The following PHF3 variants were observed in gnomAD, a reference collection of about 807,000 sequenced individuals.
PHF3 encodes PHD finger protein 3.
In PHF3, 41 loss-of-function variants were observed where a neutral mutation model predicts 178.4. The ratio of observed to expected loss-of-function variants is 0.23; its 90% confidence interval spans 0.18 to 0.30. The LOEUF is 0.30. PHF3 is among the 10% of genes least tolerant of loss of function. PHF3 has a pLI of 1.00. For synonymous variants in PHF3, 842 were observed against 800.5 expected (o/e 1.05, Z -0.88); for missense variants, 2,346 against 2,398.1 (o/e 0.98, Z 0.45).
intron 3 of PHF3, among the ~76,000 whole-genome samples, chr6:63,681,033 G>C (rs971425191): frequency 6.6e-6 from 1 of 152,020 alleles, no homozygotes; most frequent in African/African-American, 2.4e-5. Context: ...TTTAAACCTT[G>C]TATGTTTACC....
At chr6:63,690,061 C>T (rs1366344038) in intron 4 of PHF3, among the ~76,000 whole-genome samples, 1 of 152,032 alleles carries the variant, frequency 6.6e-6, no homozygotes, top group Non-Finnish European at 1.5e-5. Flanking sequence ...CTTTGCAACT[C>T]GAAGTGGGAG....
Position 63,712,432 on chromosome 6 carries a change from C to T in PHF3, c.4844C>T (p.Pro1615Leu). 1.9e-6 allele frequency: 3 copies of T among 1,613,856 alleles called. No homozygotes were observed. The highest frequency in any genetic ancestry group is 2.5e-6 in the Non-Finnish European group (3 of 1,179,892). ...LQDNQTSNSS[P>L]CRSNVGKGNI... ...GATAACCAGACTTCAAATAGTTCTC[C>T]ATGCAGATCTAATGTAGGAAAAGGA... Residue 1615 changes from proline to leucine, a missense_variant, in exon 16 of 16, where the codon CCA becomes CTA. By Grantham distance (98) the Pro-to-Leu change is moderately conservative. This residue lies in a region of PHF3 where 839 missense variants were observed against 806.9 expected (regional missense o/e 1.04). Coordinates refer to ENST00000262043, the MANE Select transcript of PHF3 (RefSeq NM_001370348.2).
At chr6:63,709,405 G>T (rs544320128) in intron 14 of PHF3, among the ~76,000 whole-genome samples, 165 bp downstream of exon 14, 4 of 151,894 alleles carry the variant, frequency 2.6e-5, no homozygotes, top group African/African-American at 9.7e-5. Context: ...ATTTGCTGAG[G>T]CTGTCAACAG....
rs1241079109 is a variant in PHF3, at chr6:63,723,519, A to G, written c.*9811A>G. On this transcript the variant is annotated 3_prime_UTR_variant, in exon 16 of 16. Transcript: ENST00000262043. Reference sequence around the variant, plus strand: ...TATAGTGAAGAGCTACATTAGAATAAAAAATATCTAAGAAATGATTAGGAA... The same window carrying G: ...TATAGTGAAGAGCTACATTAGAATAGAAAATATCTAAGAAATGATTAGGAA... 6.6e-6 allele frequency among the ~76,000 whole-genome samples: 1 copy of G among 152,106 alleles called. No individual in the cohort carries two copies. The highest frequency in any genetic ancestry group is 1.9e-4 in the East Asian group (1 of 5,180).
At chr6:63,660,626 T>G (rs2149555293) in intron 2 of PHF3, among the ~76,000 whole-genome samples, 1 of 152,268 alleles carries the variant, frequency 6.6e-6, no homozygotes, top group Middle Eastern at 3.4e-3. Flanking sequence ...TCTAGTTATT[T>G]AACATAAACT....
At chr6:63,674,096 T>C (rs1458523788) in intron 2 of PHF3, among the ~76,000 whole-genome samples, 1 of 151,910 alleles carries the variant, frequency 6.6e-6, no homozygotes, top group Non-Finnish European at 1.5e-5. Flanking sequence ...ACTGACAAAC[T>C]TAAAGATATA....
At chr6:63,658,655 A>G (rs533348232) in intron 2 of PHF3, among the ~76,000 whole-genome samples, 122 of 151,960 alleles carry the variant, frequency 8.0e-4, no homozygotes, top group African/African-American at 2.6e-3. Context: ...TAAAGCTATT[A>G]ACAAACTTCA....
intron 11 of PHF3, among the ~76,000 whole-genome samples, chr6:63,704,983 G>A (rs1351123701): frequency 1.3e-5 from 2 of 152,174 alleles, no homozygotes; most frequent in African/African-American, 4.8e-5. Context: ...TAGGTGTATA[G>A]TGGTATCTCT....
rs1400731306 is a variant in PHF3 at position 63,698,290 on chromosome 6, T to C, written c.2748T>C (p.Ala916=). 2 of 1,613,054 alleles carry C rather than the reference T, an allele frequency of 1.2e-6. No individual in the cohort carries two copies. The highest frequency in any genetic ancestry group is 1.7e-6 in the Non-Finnish European group (2 of 1,179,210). ...AAGGAGTGCTTAATGTACATCCTGC[T>C]GCTTCTGCTTCCAAGCCTTCTGCAG... ...VEKGVLNVHP[A]ASASKPSADQ... is the part of the protein sequence containing the mutation. The change falls in exon 7 of 16, where the codon GCT becomes GCC. Residue 916 remains alanine, a synonymous_variant. Transcript: ENST00000262043.
chr6:63,687,610 A>C (rs1766771505), intron 4 of PHF3, among the ~76,000 whole-genome samples: 1 of 152,206 alleles, frequency 6.6e-6, no homozygotes, highest in African/African-American at 2.4e-5. Flanking sequence ...TGAATTTCTA[A>C]CATGAAACTT....
chr6:63,665,324 A>G (rs1301811636), intron 2 of PHF3, among the ~76,000 whole-genome samples: 1 of 152,134 alleles, frequency 6.6e-6, no homozygotes, highest in African/African-American at 2.4e-5. Flanking sequence ...TCTCATTTGT[A>G]GAACATTTAT....
At chr6:63,643,458 C>T (rs1764659469) in intron 1 of PHF3, among the ~76,000 whole-genome samples, 1 of 152,104 alleles carries the variant, frequency 6.6e-6, no homozygotes, top group Non-Finnish European at 1.5e-5. Context: ...TAACAATTTT[C>T]CTTAAAACGT....
intron 3 of PHF3, among the ~76,000 whole-genome samples, chr6:63,683,542 CTG>C (rs1244011249): frequency 2.6e-5 from 4 of 151,874 alleles, no homozygotes; most frequent in African/African-American, 7.3e-5. Flanking sequence ...ATGTGGTACT[CTG>C]TGTTGATATC....
rs75937221 is a variant in PHF3, at chr6:63,715,810, A to G, written c.*2102A>G. On this transcript the variant is annotated 3_prime_UTR_variant, in exon 16 of 16. Coordinates refer to ENST00000262043, the MANE Select transcript of PHF3 (RefSeq NM_001370348.2). ...GCTATTTGAGGTTTTCCTTTTGAGG[A>G]AAAAAAGGGAAAATGAGCAGATTTT... Among the ~76,000 whole-genome samples, 1,802 of 152,084 alleles carry G rather than the reference A, an allele frequency of 0.012. 30 individuals are homozygous for G. Among genetic ancestry groups the G allele is most frequent in the African/African-American group, 0.042 (1,730 of 41,502 alleles).
At chr6:63,683,694 T>C (rs1158289138) in intron 3 of PHF3, among the ~76,000 whole-genome samples, 1 of 152,138 alleles carries the variant, frequency 6.6e-6, no homozygotes, top group East Asian at 1.9e-4. Context: ...TTCAGGTTTC[T>C]TTAGCACTGG....
intron 2 of PHF3, among the ~76,000 whole-genome samples, chr6:63,652,296 G>A (rs1198241965): frequency 6.6e-6 from 1 of 152,156 alleles, no homozygotes; most frequent in African/African-American, 2.4e-5. Context: ...GATTAGTGAA[G>A]TTGAGCATTT....
At chr6:63,688,326 T>C (rs1233610422) in intron 4 of PHF3, among the ~76,000 whole-genome samples, 1 of 5,990 alleles carries the variant, frequency 1.7e-4, no homozygotes, top group Non-Finnish European at 3.3e-4. Context: ...TCCCCCTCCC[T>C]TCCCCTCCCC....
At chr6:63,668,836 T>C (rs1355002642) in intron 2 of PHF3, among the ~76,000 whole-genome samples, 2 of 152,222 alleles carry the variant, frequency 1.3e-5, no homozygotes, top group African/African-American at 4.8e-5. Context: ...CTAAAAGTAC[T>C]TGCTGATTTT....
chr6:63,721,882 A>C lies in PHF3; in HGVS notation c.*8174A>C. ...TTGCTGTTTCTGGCCAAGTTGGATA[A>C]GTTTTAGTTATGGGGAAAAAAGTAA... On this transcript the variant is annotated 3_prime_UTR_variant, in exon 16 of 16. Transcript: ENST00000262043. 6.2e-6 allele frequency: 8 copies of C among 1,282,796 alleles called. No homozygotes were observed. The highest frequency in any genetic ancestry group is 8.4e-6 in the Non-Finnish European group (8 of 948,206). The allele number at this position is 1,282,796 out of a possible 1,614,324, so 79.5% of individuals were successfully genotyped here.
Sources: gnomAD v4.1 joint callset for allele counts (sites outside exome capture counted in the v4.1 genomes callset) on GRCh38, gnomAD v4.1.1 for gene constraint, gnomAD v4.1.1 regional missense constraint, MANE v1.5 for transcripts, NCBI Gene and HGNC (gene_info 2026-07-23, HGNC 2026-07-21) for gene names.